DCAF13: variants seen among roughly 807,000 people sequenced by gnomAD.
DCAF13 encodes DDB1- and CUL4-associated factor 13.
Under a neutral mutation model 59.0 loss-of-function variants are expected in DCAF13, and 38 were observed. That is an observed-to-expected ratio of 0.64 (90% CI 0.50 to 0.84). The LOEUF (loss-of-function observed/expected upper bound fraction) is 0.84, where lower values mean the gene tolerates loss of function less well. Ranked by LOEUF, DCAF13 falls within the 40% of genes least tolerant of loss-of-function variation. The pLI, the probability that DCAF13 is intolerant of heterozygous loss-of-function variation, is 0.00. For missense variants in DCAF13, 469 were observed against 558.4 expected (o/e 0.84, Z 1.61); for synonymous variants, 173 against 175.0 (o/e 0.99, Z 0.09).
At chr8:103,430,714 T>G in intron 6 of DCAF13, 25 bp downstream of exon 6, 1 of 1,547,100 alleles carries the variant, frequency 6.5e-7, no homozygotes, top group Non-Finnish European at 8.9e-7. Context: ...TGACTTTTGC[T>G]TTATACAGTT....
intron 8 of DCAF13, chr8:103,439,719 T>TG (rs1183339898): frequency 3.3e-5 from 5 of 152,568 alleles, no homozygotes; most frequent in Admixed American, 3.3e-4. Flanking sequence ...TTCAGTAAAA[T>TG]GAAGGGGAAA....
Position 103,421,023 on chromosome 8 carries a change from G to T in DCAF13, c.319G>T (p.Ala107Ser). The T allele has an allele frequency of 6.2e-7, 1 of 1,613,842 alleles. No individual in the cohort carries two copies. Among genetic ancestry groups the T allele is most frequent in the African/African-American group, 1.3e-5 (1 of 75,028 alleles). ...GCGGAATTGTATCCGTACAATACAA[G>T]CACATGAAGGCTTTGTACGAGGAAT... ...TQRNCIRTIQ[A>S]HEGFVRGICT... Residue 107 changes from alanine to serine, a missense_variant, in exon 3 of 11, where the codon GCA becomes TCA. Around this residue, in one of 3 missense-constraint regions of DCAF13, gnomAD observed 355 missense variants for 399.1 expected, o/e 0.89. Coordinates refer to ENST00000612750, the MANE Select transcript of DCAF13 (RefSeq NM_015420.7).
intron 4 of DCAF13, among the ~76,000 whole-genome samples, chr8:103,426,577 A>G (rs1040034791): frequency 1.3e-5 from 2 of 152,198 alleles, no homozygotes; most frequent in African/African-American, 4.8e-5. Context: ...AATCTTATTA[A>G]TGTTTCTACC....
chr8:103,434,949 A>G (rs1415496663), intron 7 of DCAF13, among the ~76,000 whole-genome samples: 1 of 152,112 alleles, frequency 6.6e-6, no homozygotes, highest in Admixed American at 6.6e-5. Context: ...TGGCAACTCA[A>G]ATCAAGCCTA....
chr8:103,434,353 A>G (rs534244962), intron 7 of DCAF13, among the ~76,000 whole-genome samples: 209 of 152,204 alleles, frequency 1.4e-3, no homozygotes, highest in Non-Finnish European at 2.5e-3. Context: ...AAGGTTTTCC[A>G]TGTACACAAA....
rs868133848 is a variant in DCAF13, at chr8:103,435,648, G to A, written c.808G>A (p.Ala270Thr). 1 of 1,588,294 alleles carries A rather than the reference G, an allele frequency of 6.3e-7. No individual in the cohort carries two copies. The highest frequency in any genetic ancestry group is 1.8e-5 in the Admixed American group (1 of 55,866). The part of the protein sequence containing the change: ...DYNLYTFDMR[A>T]LDTPVMVHMD... ...CAGCTTATATACTTTTGATATGCGT[G>A]CACTGGACACTCCTGTAATGGTCCA... The change falls in exon 8 of 11, where the codon GCA (alanine) becomes ACA (threonine). Residue 270 changes from alanine (A) to threonine (T), a missense_variant. Transcript: ENST00000612750.
chr8:103,418,930 C>A (rs1396410439), intron 1 of DCAF13, among the ~76,000 whole-genome samples: 1 of 118,388 alleles, frequency 8.4e-6, no homozygotes. Context: ...GTCAGCCAGG[C>A]TGGAGTGCAG....
In DCAF13 at chr8:103,426,420, G is replaced by C. The variant is rs182837795; in HGVS notation, c.468+275G>C. Among the ~76,000 whole-genome samples the C allele has an allele frequency of 1.6e-3, 245 of 151,502 alleles. 2 individuals are homozygous for C. Among genetic ancestry groups the C allele is most frequent in the East Asian group, 1.2e-3 (6 of 5,168 alleles). ...TACAATGAAACATTTCCCATGGGAA[G>C]ACCACGGAGAAAAAGATAGAAGTTC... On this transcript the variant is annotated intron_variant, in intron 4 of 10. Coordinates refer to ENST00000612750, the MANE Select transcript of DCAF13 (RefSeq NM_015420.7).
chr8:103,431,481 T>C (rs902366280), intron 6 of DCAF13, among the ~76,000 whole-genome samples: 3 of 152,232 alleles, frequency 2.0e-5, no homozygotes, highest in African/African-American at 7.2e-5. Context: ...AACTAGATAT[T>C]AGGAGAGTAC....
At chr8:103,440,780 G>A (rs1417617497) in intron 9 of DCAF13, 1 of 152,296 alleles carries the variant, frequency 6.6e-6, no homozygotes, top group Non-Finnish European at 1.5e-5. Flanking sequence ...TTACCTCCAG[G>A]ATAGGGGATT....
chr8:103,417,108 G>C (rs1816631294), intron 1 of DCAF13, among the ~76,000 whole-genome samples: 2 of 152,176 alleles, frequency 1.3e-5, no homozygotes, highest in Non-Finnish European at 2.9e-5. Flanking sequence ...CATATTAACT[G>C]AACCAGTCCC....
At chr8:103,417,260 ATAG>A (rs1259110424) in intron 1 of DCAF13, among the ~76,000 whole-genome samples, 3 of 152,176 alleles carry the variant, frequency 2.0e-5, no homozygotes, top group Non-Finnish European at 4.4e-5. Context: ...TTTTTTTATA[ATAG>A]TAGCCATTAA....
At chr8:103,428,730 C>G (rs1031939962) in intron 5 of DCAF13, 1 of 151,990 alleles carries the variant, frequency 6.6e-6, no homozygotes, top group Non-Finnish European at 1.5e-5. Flanking sequence ...ACAAAAAAAC[C>G]TAAACAGACA....
chr8:103,436,446 C>T (rs1004806314), intron 8 of DCAF13, among the ~76,000 whole-genome samples: 4 of 152,040 alleles, frequency 2.6e-5, no homozygotes, highest in Admixed American at 6.5e-5. Context: ...ACTCAGCTGT[C>T]CCATAGTCTC....
chr8:103,426,036 A>G lies in DCAF13; in HGVS notation c.379-20A>G. 2 of 1,570,092 alleles carry G rather than the reference A, an allele frequency of 1.3e-6. No individual in the cohort carries two copies. Among genetic ancestry groups the G allele is most frequent in the Non-Finnish European group, 1.8e-6 (2 of 1,140,158 alleles). ...AACTGTTGTTCCTTACCATCATCAT[A>G]ATAAAACAAATATTTCTAGGTTGGT... On this transcript the variant is annotated intron_variant, in intron 3 of 10. Transcript: ENST00000612750.
rs1478238018 is a variant in DCAF13 at position 103,415,423 on chromosome 8, A to G, written c.-24A>G. Reference sequence around the variant, plus strand: ...GGAACTCCTAGCGGACACCTCGTGGAGTCCGGCCGGAAGAGCAACCGAGAT... The same window carrying G: ...GGAACTCCTAGCGGACACCTCGTGGGGTCCGGCCGGAAGAGCAACCGAGAT... On this transcript the variant is annotated 5_prime_UTR_variant, in exon 1 of 11. Transcript: ENST00000612750. 5.0e-6 allele frequency: 8 copies of G among 1,614,028 alleles called. No homozygotes were observed. Among genetic ancestry groups the G allele is most frequent in the Non-Finnish European group, 6.8e-6 (8 of 1,180,036 alleles).
intron 6 of DCAF13, among the ~76,000 whole-genome samples, chr8:103,432,039 T>A (rs10094939): frequency 6.6e-6 from 1 of 152,044 alleles, no homozygotes; most frequent in South Asian, 2.1e-4. Context: ...TTTCTGTTGC[T>A]TCTTTGCTCC....
chr8:103,421,638 G>T (rs921511335), intron 3 of DCAF13, among the ~76,000 whole-genome samples: 2 of 152,054 alleles, frequency 1.3e-5, no homozygotes, highest in Non-Finnish European at 1.5e-5. Flanking sequence ...TTTACTTTTT[G>T]CCTCTGTGAT....
Position 103,442,910 on chromosome 8 carries a change from AATT to A in DCAF13, c.*32_*34del, listed in dbSNP as rs1391486888. 1 of 1,463,792 alleles carries A rather than the reference AATT, an allele frequency of 6.8e-7. No homozygotes were observed. The highest frequency in any genetic ancestry group is 2.1e-5 in the Admixed American group (1 of 48,760). 90.7% of individuals were successfully genotyped at this position (1,463,792 alleles called of 1,614,324 possible). The stretch of plus-strand genomic sequence containing the variant: ...GGTATTCCTAACAATCCTGATGTAT[AATT>A]ATTTGTTACTTTTGATTTGAGAACT... On this transcript the variant is annotated 3_prime_UTR_variant, in exon 11 of 11. Transcript: ENST00000612750.
Sources: gnomAD v4.1 joint callset for allele counts (sites outside exome capture counted in the v4.1 genomes callset) on GRCh38, gnomAD v4.1.1 for gene constraint, gnomAD v4.1.1 regional missense constraint, MANE v1.5 for transcripts, NCBI Gene and HGNC (gene_info 2026-07-23, HGNC 2026-07-21) for gene names.